The following ATXN1 variants were observed in gnomAD, a reference collection of about 807,000 sequenced individuals.
ATXN1 encodes ataxin-1.
In ATXN1, 8 loss-of-function variants were observed where a neutral mutation model predicts 56.4. The ratio of observed to expected loss-of-function variants is 0.14; its 90% CI spans 0.08 to 0.26. ATXN1 has a LOEUF of 0.26. Ranked by LOEUF, ATXN1 falls within the 10% of genes least tolerant of loss-of-function variation. ATXN1 has a pLI of 1.00. For synonymous variants in ATXN1, 514 were observed against 494.6 expected (o/e 1.04, Z -0.52); for missense variants, 987 against 1,106.5 (o/e 0.89, Z 1.53).
intron 6 of ATXN1, among the ~76,000 whole-genome samples, chr6:16,330,702 A>T (rs1760967228): frequency 1.3e-5 from 2 of 152,212 alleles, no homozygotes; most frequent in South Asian, 4.1e-4. Context: ...CAATGATTTA[A>T]TGGCCCTTAT....
At chr6:16,516,748 A>G (rs370070705) in intron 5 of ATXN1, among the ~76,000 whole-genome samples, 14 of 152,326 alleles carry the variant, frequency 9.2e-5, no homozygotes, top group African/African-American at 3.4e-4. Context: ...ATGTCTAACA[A>G]TGCCTTGTGC....
chr6:16,470,114 T>C (rs1760188545), intron 6 of ATXN1, among the ~76,000 whole-genome samples: 2 of 152,146 alleles, frequency 1.3e-5, no homozygotes, highest in Admixed American at 1.3e-4. Flanking sequence ...ATAAGCTAAA[T>C]GTGGTCTACA....
chr6:16,344,601 C>A (rs769748400), intron 6 of ATXN1, among the ~76,000 whole-genome samples: 6 of 151,850 alleles, frequency 4.0e-5, no homozygotes, highest in Admixed American at 6.6e-5. Flanking sequence ...GACTCTTGGA[C>A]CTACACTAAT....
At chr6:16,382,096 C>A (rs1758137499) in intron 6 of ATXN1, among the ~76,000 whole-genome samples, 1 of 152,120 alleles carries the variant, frequency 6.6e-6, no homozygotes, top group Non-Finnish European at 1.5e-5. Context: ...CTAATCTCAG[C>A]ACTTTGGGAG....
At chr6:16,317,692 A>G (rs1287965287) in intron 7 of ATXN1, among the ~76,000 whole-genome samples, 2 of 150,242 alleles carry the variant, frequency 1.3e-5, no homozygotes, top group Non-Finnish European at 3.0e-5. Flanking sequence ...TGTCGCCAGC[A>G]CCTCTTGCTT....
At position 16,760,611 on chromosome 6, in the gene ATXN1, G is replaced by A. The variant is rs1415285534; in HGVS notation, c.-730+687C>T. Among the ~76,000 whole-genome samples, 11 of 151,088 alleles carry A rather than the reference G, an allele frequency of 7.3e-5. No individual in the cohort carries two copies. The East Asian group carries it at 2.2e-3, about 30-fold the overall frequency. On this transcript the variant is annotated intron_variant, in intron 1 of 7. Transcript: ENST00000436367. This position sits in a 1 kb window ranked among gnomAD's most constrained non-coding sequence, Gnocchi z 5.3. ...CCGCGCGCAAAGTCCCGTCCCGGCT[G>A]CAGGAGCAGTCCCTTCCCCGCCCGC...
chr6:16,706,723 CA>C (rs773199840), intron 2 of ATXN1, among the ~76,000 whole-genome samples: 19 of 20,574 alleles, frequency 9.2e-4, no homozygotes, highest in Admixed American at 2.3e-3. Flanking sequence ...GACTCCATCT[CA>C]AAAAAAAAAA....
At chr6:16,541,437 G>GT (rs1437765455) in intron 4 of ATXN1, among the ~76,000 whole-genome samples, 4 of 152,174 alleles carry the variant, frequency 2.6e-5, no homozygotes, top group Non-Finnish European at 5.9e-5. Flanking sequence ...GAGCTCTTCT[G>GT]TATTTGTTCC....
At chr6:16,620,328 T>C (rs1171513166) in intron 3 of ATXN1, among the ~76,000 whole-genome samples, 1 of 151,456 alleles carries the variant, frequency 6.6e-6, no homozygotes. Flanking sequence ...AACATAACTA[T>C]AATTTCCAAC....
chr6:16,410,270 T>G lies in ATXN1; in HGVS notation c.-161+75702A>C, dbSNP rs1160224999. On this transcript the variant is annotated intron_variant, in intron 6 of 7. Transcript: ENST00000436367. This position sits in a 1 kb window ranked among gnomAD's most constrained non-coding sequence, Gnocchi z 4.6. ...TGTGTACTTAATTGACATCTCTTTC[T>G]GAAGGAATTTACAATCCAGTTGATG... is the stretch of plus-strand genomic sequence containing the variant. Among the ~76,000 whole-genome samples, 1 of 152,196 alleles carries G rather than the reference T, an allele frequency of 6.6e-6. No homozygotes were observed. Among genetic ancestry groups the G allele is most frequent in the African/African-American group, 2.4e-5 (1 of 41,428 alleles).
intron 6 of ATXN1, among the ~76,000 whole-genome samples, chr6:16,441,662 G>A (rs1447866398): frequency 3.3e-5 from 5 of 152,062 alleles, no homozygotes; most frequent in Admixed American, 6.6e-5. Flanking sequence ...AGAAATAGTT[G>A]GATAGAGAGA....
chr6:16,675,751 T>C (rs1053498215), intron 2 of ATXN1, among the ~76,000 whole-genome samples: 10 of 151,952 alleles, frequency 6.6e-5, no homozygotes, highest in South Asian at 2.1e-4. Flanking sequence ...TAGCCAGGCA[T>C]TGTGGTGCAT....
At chr6:16,323,969 C>G (rs926947394) in intron 7 of ATXN1, among the ~76,000 whole-genome samples, 3 of 151,736 alleles carry the variant, frequency 2.0e-5, no homozygotes, top group Non-Finnish European at 4.4e-5. Context: ...GGAAATCTTT[C>G]TTGGGCCCTT....
In ATXN1 at chr6:16,760,968, C is replaced by A. The variant is rs1307725564; in HGVS notation, c.-730+330G>T. Among the ~76,000 whole-genome samples the A allele has an allele frequency of 6.7e-6, 1 of 148,742 alleles. No individual in the cohort carries two copies. Among genetic ancestry groups the A allele is most frequent in the Non-Finnish European group, 1.5e-5 (1 of 66,788 alleles). ...CGCCCCCTAGCCCGGCGGGCGCCCA[C>A]CCAGCCCCTGACAGCCCCCCCGCCG... On this transcript the variant is annotated intron_variant, in intron 1 of 7. Transcript: ENST00000436367. The surrounding 1 kb of genome is among the most constrained non-coding windows in gnomAD (Gnocchi z 5.3).
chr6:16,450,525 G>C (rs2113611608), intron 6 of ATXN1, among the ~76,000 whole-genome samples: 1 of 152,330 alleles, frequency 6.6e-6, no homozygotes, highest in South Asian at 2.1e-4. Flanking sequence ...TTATTACTCA[G>C]AGAGACGTAG....
intron 6 of ATXN1, among the ~76,000 whole-genome samples, chr6:16,361,948 G>C (rs1158613947): frequency 6.6e-6 from 1 of 152,200 alleles, no homozygotes; most frequent in Non-Finnish European, 1.5e-5. Context: ...TGATTATCTG[G>C]TGAAATTGGG....
chr6:16,363,252 TCTC>T (rs1260563910), intron 6 of ATXN1, among the ~76,000 whole-genome samples: 1 of 152,214 alleles, frequency 6.6e-6, no homozygotes, highest in East Asian at 1.9e-4. Flanking sequence ...TGTTTTTTCT[TCTC>T]CATCCTAAGG....
At chr6:16,682,545 CCATT>C (rs557864469) in intron 2 of ATXN1, among the ~76,000 whole-genome samples, 123 of 152,130 alleles carry the variant, frequency 8.1e-4, no homozygotes, top group African/African-American at 2.8e-3. Flanking sequence ...TGAGGATTTC[CCATT>C]CAAAGTCCTA....
At chr6:16,453,272 A>C (rs921536301) in intron 6 of ATXN1, among the ~76,000 whole-genome samples, 2 of 152,120 alleles carry the variant, frequency 1.3e-5, no homozygotes, top group Non-Finnish European at 2.9e-5. Flanking sequence ...CATCCTGGCT[A>C]ACACGGTGAA....
Sources: allele counts gnomAD v4.1 joint callset (sites outside exome capture counted in the v4.1 genomes callset), GRCh38; gene constraint gnomAD v4.1.1; non-coding constraint Gnocchi (gnomAD v3.1); transcripts MANE v1.5; gene names NCBI Gene and HGNC (gene_info 2026-07-23, HGNC 2026-07-21).